PRTFDC1: variants seen among roughly 807,000 people sequenced by gnomAD.
PRTFDC1 encodes phosphoribosyl transferase domain containing 1.
In PRTFDC1, 38 loss-of-function variants were observed where a neutral mutation model predicts 34.6. The observed-to-expected ratio is 1.10, with a 90% CI of 0.85 to 1.44. PRTFDC1 has a LOEUF of 1.44. PRTFDC1 is among the 40% of genes most tolerant of loss of function. The pLI is 0.00. For missense variants in PRTFDC1, 270 were observed against 283.0 expected (o/e 0.95, Z 0.33); for synonymous variants, 93 against 98.1 (o/e 0.95, Z 0.31).
At chr10:24,867,338 GCTCCTGCAGGCTCCGCCTACCCCGCCTCC>G (rs1847797478) in intron 4 of PRTFDC1, among the ~76,000 whole-genome samples, 3 of 152,152 alleles carry the variant, frequency 2.0e-5, no homozygotes, top group East Asian at 3.9e-4. Flanking sequence ...TAGTTCAAGT[GCTCCTGCAGGCTCCGCCTACCCCGCCTCC>G]AAACTGCTCT....
chr10:24,948,524 T>C (rs1849287998), intron 1 of PRTFDC1, among the ~76,000 whole-genome samples: 1 of 152,230 alleles, frequency 6.6e-6, no homozygotes, highest in Non-Finnish European at 1.5e-5. Flanking sequence ...ATAAATGTCC[T>C]ACCTCCCCAG....
intron 3 of PRTFDC1, among the ~76,000 whole-genome samples, chr10:24,878,564 G>T (rs1848009641): frequency 6.6e-6 from 1 of 152,132 alleles, no homozygotes; most frequent in African/African-American, 2.4e-5. Context: ...AATACAAAAG[G>T]AAACCTCTGA....
intron 3 of PRTFDC1, among the ~76,000 whole-genome samples, chr10:24,914,353 G>A (rs1396554298): frequency 2.6e-5 from 4 of 152,102 alleles, no homozygotes; most frequent in Non-Finnish European, 5.9e-5. Flanking sequence ...TATTTCTTAG[G>A]CATTTGCTAT....
intron 3 of PRTFDC1, 130 bp from the exon 4 acceptor site, chr10:24,872,193 T>A: frequency 1.3e-6 from 1 of 754,720 alleles, no homozygotes; most frequent in Non-Finnish European, 2.2e-6. Context: ...CTAATAGGGA[T>A]TCATGGTTGC....
At chr10:24,908,430 C>T in intron 3 of PRTFDC1, 3 of 1,531,204 alleles carry the variant, frequency 2.0e-6, no homozygotes, top group Non-Finnish European at 1.8e-6. Context: ...AGACTGTGGG[C>T]ACAGCCAGGG....
chr10:24,906,051 T>G (rs1344467444), intron 3 of PRTFDC1, among the ~76,000 whole-genome samples: 1 of 152,210 alleles, frequency 6.6e-6, no homozygotes, highest in Non-Finnish European at 1.5e-5. Flanking sequence ...TGTCCTCCAG[T>G]GCCATCCATG....
At chr10:24,895,249 C>CGTTCTTTT (rs1848331979) in intron 3 of PRTFDC1, among the ~76,000 whole-genome samples, 1 of 70,214 alleles carries the variant, frequency 1.4e-5, no homozygotes, top group East Asian at 3.9e-4. Flanking sequence ...GAAATCTCCA[C>CGTTCTTTT]TTTCTTTTTT....
At chr10:24,895,762 C>G (rs542425729) in intron 3 of PRTFDC1, among the ~76,000 whole-genome samples, 3 of 143,744 alleles carry the variant, frequency 2.1e-5, no homozygotes, top group Admixed American at 1.4e-4. Flanking sequence ...CACACATTCT[C>G]TATCCATATA....
At chr10:24,872,948 C>T (rs907735055) in intron 3 of PRTFDC1, among the ~76,000 whole-genome samples, 3 of 150,980 alleles carry the variant, frequency 2.0e-5, no homozygotes, top group African/African-American at 7.3e-5. Flanking sequence ...GCTGAGACTA[C>T]AGACAGGCAC....
intron 3 of PRTFDC1, among the ~76,000 whole-genome samples, chr10:24,900,271 T>C (rs1466259590): frequency 6.6e-6 from 1 of 152,226 alleles, no homozygotes; most frequent in African/African-American, 2.4e-5. Flanking sequence ...TGAGCAGATG[T>C]GAGAAACGGA....
chr10:24,913,344 C>T (rs1002930448), intron 3 of PRTFDC1, among the ~76,000 whole-genome samples: 1 of 152,002 alleles, frequency 6.6e-6, no homozygotes, highest in Non-Finnish European at 1.5e-5. Flanking sequence ...TTTAGCTGAC[C>T]CTTTGGGTAA....
chr10:24,860,289 G>A (rs191434979), intron 4 of PRTFDC1, among the ~76,000 whole-genome samples: 1 of 152,258 alleles, frequency 6.6e-6, no homozygotes, highest in African/African-American at 2.4e-5. Flanking sequence ...GCTGAGGCGG[G>A]AGAATCACTT....
chr10:24,892,357 A>G (rs56839348), intron 3 of PRTFDC1, among the ~76,000 whole-genome samples: 3,370 of 152,132 alleles, frequency 0.022, 137 homozygotes, highest in African/African-American at 0.077. Context: ...TACATTCCCA[A>G]AAACAGTGTA....
chr10:24,933,530 A>G (rs1012891408), intron 3 of PRTFDC1, among the ~76,000 whole-genome samples: 5 of 152,148 alleles, frequency 3.3e-5, no homozygotes, highest in Non-Finnish European at 7.3e-5. Flanking sequence ...TGCAAATTAA[A>G]CCACAATGTG....
Position 24,849,813 on chromosome 10 carries a change from T to A in PRTFDC1, c.*31A>T. The stretch of plus-strand genomic sequence containing the variant: ...AAGTACAGGCGTAAATATGATGCTA[T>A]CTGGGACTTTAGTGGTGAGAATTCA... On this transcript the variant is annotated 3_prime_UTR_variant, in exon 9 of 9. Coordinates refer to ENST00000320152, the MANE Select transcript of PRTFDC1 (RefSeq NM_020200.7). 1.2e-6 allele frequency: 2 copies of A among 1,609,450 alleles called. No individual in the cohort carries two copies. The highest frequency in any genetic ancestry group is 2.2e-5 in the South Asian group (2 of 90,940).
intron 1 of PRTFDC1, among the ~76,000 whole-genome samples, chr10:24,943,544 C>CT (rs5783911): frequency 3.3e-4 from 45 of 137,964 alleles, no homozygotes; most frequent in Middle Eastern, 3.6e-3. Flanking sequence ...GTTTCCCATT[C>CT]TTTTTTTTTT....
chr10:24,892,364 T>C (rs1171397969), intron 3 of PRTFDC1, among the ~76,000 whole-genome samples: 1 of 152,082 alleles, frequency 6.6e-6, no homozygotes, highest in African/African-American at 2.4e-5. Context: ...CCAAAAACAG[T>C]GTATAAGGGT....
intron 3 of PRTFDC1, among the ~76,000 whole-genome samples, chr10:24,929,068 G>GAAAAAA (rs1564316135): frequency 8.9e-6 from 1 of 111,896 alleles, no homozygotes; most frequent in African/African-American, 3.9e-5. Flanking sequence ...AAGAAAGAAA[G>GAAAAAA]AAAGAAAGGG....
At chr10:24,875,637 G>A (rs1847950001) in intron 3 of PRTFDC1, among the ~76,000 whole-genome samples, 1 of 151,586 alleles carries the variant, frequency 6.6e-6, no homozygotes, top group African/African-American at 2.4e-5. Context: ...ATTGTCAATT[G>A]TTCCAATATA....
Sources: allele counts gnomAD v4.1 joint callset (sites outside exome capture counted in the v4.1 genomes callset), GRCh38; gene constraint gnomAD v4.1.1; transcripts MANE v1.5; gene names NCBI Gene and HGNC (gene_info 2026-07-23, HGNC 2026-07-21).